Variants in CD58 observed in about 807,000 individuals in gnomAD.
The protein encoded by CD58 is lymphocyte function-associated antigen 3.
In CD58, 14 loss-of-function variants were observed where a neutral mutation model predicts 27.6. That is an observed-to-expected ratio of 0.51 (90% CI 0.34 to 0.79). The LOEUF (loss-of-function observed/expected upper bound fraction) is 0.79, where lower values mean the gene tolerates loss of function less well. CD58 is among the 30% of genes least tolerant of loss of function. CD58 has a pLI of 0.02. For synonymous variants in CD58, 117 were observed against 103.8 expected (o/e 1.13, Z -0.77); for missense variants, 268 against 301.7 (o/e 0.89, Z 0.83).
rs1338454226 is a variant in CD58, at chr1:116,552,625, G to C, written c.71-8021C>G. ...CTACATCCCGCCTTTCCATTAATAT[G>C]TCATAAAATCTCCTTGAAATCAACT... On this transcript the variant is annotated intron_variant, in intron 1 of 5. Coordinates refer to ENST00000369489, the MANE Select transcript of CD58 (RefSeq NM_001779.3). This position sits in a 1 kb window ranked among gnomAD's most constrained non-coding sequence, Gnocchi z 4.5. Among the ~76,000 whole-genome samples the C allele has an allele frequency of 6.6e-6, 1 of 152,128 alleles. No homozygotes were observed. Among genetic ancestry groups the C allele is most frequent in the Non-Finnish European group, 1.5e-5 (1 of 68,030 alleles).
rs79239899 is a variant in CD58 at position 116,517,120 on chromosome 1, T to G, written c.743+2111A>C. Among the ~76,000 whole-genome samples the G allele has an allele frequency of 3.9e-3, 587 of 150,522 alleles. 1 individual carries two copies. The highest frequency in any genetic ancestry group is 0.013 in the African/African-American group (546 of 40,806). On this transcript the variant is annotated intron_variant, in intron 5 of 5. Coordinates refer to ENST00000369489, the MANE Select transcript of CD58 (RefSeq NM_001779.3). This position sits in a 1 kb window ranked among gnomAD's most constrained non-coding sequence, Gnocchi z 6.5. ...TGATGGCTATGCCTCCCCCATCCAC[T>G]CAGAGTTCCCCTCCACTGTAACCAC...
In CD58 at chr1:116,532,677, T is replaced by G. The variant is rs556971927; in HGVS notation, c.628+3288A>C. On this transcript the variant is annotated intron_variant, in intron 3 of 5. Transcript: ENST00000369489. This position sits in a 1 kb window ranked among gnomAD's most constrained non-coding sequence, Gnocchi z 5.1. Reference sequence around the variant, plus strand: ...TCCCGCAGGGAAGGGTCCAGGCAAGTCCAGAGCTACAGGCACCAAGGCTGC... The same window carrying G: ...TCCCGCAGGGAAGGGTCCAGGCAAGGCCAGAGCTACAGGCACCAAGGCTGC... 6.6e-6 allele frequency among the ~76,000 whole-genome samples: 1 copy of G among 151,710 alleles called. No individual in the cohort carries two copies. The highest frequency in any genetic ancestry group is 2.0e-4 in the East Asian group (1 of 5,108).
chr1:116,537,406 G>A (rs564691603), intron 2 of CD58, among the ~76,000 whole-genome samples: 8 of 152,192 alleles, frequency 5.3e-5, no homozygotes, highest in South Asian at 4.1e-4. Flanking sequence ...TCCATAACAC[G>A]TCTGACTCAA....
At position 116,517,581 on chromosome 1, in the gene CD58, CCTT is replaced by C. The variant is rs1657120498; in HGVS notation, c.743+1647_743+1649del. On this transcript the variant is annotated intron_variant, in intron 5 of 5. Coordinates refer to ENST00000369489, the MANE Select transcript of CD58 (RefSeq NM_001779.3). The surrounding 1 kb of genome is among the most constrained non-coding windows in gnomAD (Gnocchi z 6.5). ...AAAGGTCTTAACCCCTCGCCTACCTCCTTGTCTCTGCAGCTTTAACATGTAGCC... is the reference window on the plus strand; with the variant it reads ...AAAGGTCTTAACCCCTCGCCTACCTCGTCTCTGCAGCTTTAACATGTAGCC... 6.6e-6 allele frequency among the ~76,000 whole-genome samples: 1 copy of C among 152,212 alleles called. No individual in the cohort carries two copies. The highest frequency in any genetic ancestry group is 6.5e-5 in the Admixed American group (1 of 15,280).
In CD58 at chr1:116,523,980, T is replaced by C. The variant is rs1657349685; in HGVS notation, c.629-1997A>G. Among the ~76,000 whole-genome samples, 1 of 152,258 alleles carries C rather than the reference T, an allele frequency of 6.6e-6. No individual in the cohort carries two copies. Among genetic ancestry groups the C allele is most frequent in the Non-Finnish European group, 1.5e-5 (1 of 68,044 alleles). On this transcript the variant is annotated intron_variant, in intron 3 of 5. Transcript: ENST00000369489. The surrounding 1 kb of genome is among the most constrained non-coding windows in gnomAD (Gnocchi z 4.4). ...TGAGCACAACTGATGTGTTTCAATC[T>C]ACTGAAGTTGTTATTCTTATTGATG...
rs889909248 is a variant in CD58 at position 116,534,656 on chromosome 1, G to A, written c.628+1309C>T. The stretch of plus-strand genomic sequence containing the variant: ...CAAGCCCCAGGCCCGCCGCGGCGGC[G>A]CTGCCCACCCTGACGAGGACGTCTA... On this transcript the variant is annotated intron_variant, in intron 3 of 5. Coordinates refer to ENST00000369489, the MANE Select transcript of CD58 (RefSeq NM_001779.3). The surrounding 1 kb of genome is among the most constrained non-coding windows in gnomAD (Gnocchi z 5.3). 6.6e-6 allele frequency among the ~76,000 whole-genome samples: 1 copy of A among 152,190 alleles called. No homozygotes were observed. The highest frequency in any genetic ancestry group is 2.4e-5 in the African/African-American group (1 of 41,456).
rs1412487528 is a variant in CD58, at chr1:116,557,522, T to C, written c.71-12918A>G. 1.3e-5 allele frequency among the ~76,000 whole-genome samples: 2 copies of C among 152,214 alleles called. No homozygotes were observed. The highest frequency in any genetic ancestry group is 2.9e-5 in the Non-Finnish European group (2 of 68,040). ...ATGCAGGGCACCACACCAGATAAAC[T>C]TGTACCCACTCATGGATGTCAGCCC... On this transcript the variant is annotated intron_variant, in intron 1 of 5. Coordinates refer to ENST00000369489, the MANE Select transcript of CD58 (RefSeq NM_001779.3). The surrounding 1 kb of genome is among the most constrained non-coding windows in gnomAD (Gnocchi z 5.2).
chr1:116,518,944 G>A lies in CD58; in HGVS notation c.743+287C>T. The stretch of plus-strand genomic sequence containing the variant: ...GCAACGTGACTTTGATATCTCACTT[G>A]ACTTCTATGAATCTCATATGCGCTG... On this transcript the variant is annotated intron_variant, in intron 5 of 5. Coordinates refer to ENST00000369489, the MANE Select transcript of CD58 (RefSeq NM_001779.3). The A allele has an allele frequency of 5.2e-6, 5 of 970,268 alleles. No homozygotes were observed. The South Asian group carries it at 9.5e-5, about 19-fold the overall frequency. The allele number at this position is 970,268 out of a possible 1,614,324, so 60.1% of individuals were successfully genotyped here.
At chr1:116,543,759 C>T (rs1658067336) in intron 2 of CD58, among the ~76,000 whole-genome samples, 1 of 151,962 alleles carries the variant, frequency 6.6e-6, no homozygotes, top group African/African-American at 2.4e-5. Flanking sequence ...ACCATCTCTA[C>T]TAAAATACAA....
At chr1:116,529,394 T>C (rs1164356177) in intron 3 of CD58, among the ~76,000 whole-genome samples, 1 of 152,250 alleles carries the variant, frequency 6.6e-6, no homozygotes, top group Admixed American at 6.5e-5. Flanking sequence ...ACTAGCTTTC[T>C]TTCCATCTCC....
intron 1 of CD58, among the ~76,000 whole-genome samples, chr1:116,551,634 T>C (rs749083521): frequency 3.3e-5 from 5 of 152,248 alleles, no homozygotes; most frequent in Non-Finnish European, 7.3e-5. Context: ...GTAGCACTTT[T>C]AATTTCCTTC....
At chr1:116,566,561 G>A (rs917341479) in intron 1 of CD58, among the ~76,000 whole-genome samples, 1 of 152,090 alleles carries the variant, frequency 6.6e-6, no homozygotes, top group South Asian at 2.1e-4. Context: ...GCTGAGGCAG[G>A]AACACTACAA....
Position 116,530,291 on chromosome 1 carries a change from C to G in CD58, c.628+5674G>C, listed in dbSNP as rs529711462. 1.8e-3 allele frequency among the ~76,000 whole-genome samples: 277 copies of G among 151,902 alleles called. 2 individuals are homozygous for G. Among genetic ancestry groups the G allele is most frequent in the African/African-American group, 6.4e-3 (266 of 41,432 alleles). ...TGTGGTCTCAGCTCACTGCCAGCTC[C>G]GCCTCCCGGGTTCATGCCATTCTCC... is the stretch of plus-strand genomic sequence containing the variant. On this transcript the variant is annotated intron_variant, in intron 3 of 5. Coordinates refer to ENST00000369489, the MANE Select transcript of CD58 (RefSeq NM_001779.3).
At position 116,544,624 on chromosome 1, in the gene CD58, T is replaced by C; in HGVS notation, c.71-20A>G. On this transcript the variant is annotated intron_variant, in intron 1 of 5. Coordinates refer to ENST00000369489, the MANE Select transcript of CD58 (RefSeq NM_001779.3). ...TGAAACCTAGGAGAGAAAAAAAAAT[T>C]GGTTAGAAAAAACAACATGACTTTG... is the stretch of plus-strand genomic sequence containing the variant. 2 of 1,537,408 alleles carry C rather than the reference T, an allele frequency of 1.3e-6. No homozygotes were observed. Among genetic ancestry groups the C allele is most frequent in the Non-Finnish European group, 1.7e-6 (2 of 1,142,856 alleles).
At chr1:116,542,456 CA>C (rs1267460532) in intron 2 of CD58, among the ~76,000 whole-genome samples, 1 of 152,148 alleles carries the variant, frequency 6.6e-6, no homozygotes, top group Non-Finnish European at 1.5e-5. Flanking sequence ...TTTGGCATAG[CA>C]GTGCAGATGA....
Position 116,528,182 on chromosome 1 carries a change from T to A in CD58, c.629-6199A>T, listed in dbSNP as rs1467763360. Among the ~76,000 whole-genome samples, 3 of 152,260 alleles carry A rather than the reference T, an allele frequency of 2.0e-5. No individual in the cohort carries two copies. Among genetic ancestry groups the A allele is most frequent in the Non-Finnish European group, 4.4e-5 (3 of 68,044 alleles). Reference sequence around the variant, plus strand: ...GTCCAAAAATCCTCCTACTTCTGTTTCTGCCTGTTACATTTCATCTGGTTC... The same window carrying A: ...GTCCAAAAATCCTCCTACTTCTGTTACTGCCTGTTACATTTCATCTGGTTC... On this transcript the variant is annotated intron_variant, in intron 3 of 5. Coordinates refer to ENST00000369489, the MANE Select transcript of CD58 (RefSeq NM_001779.3). The surrounding 1 kb of genome is among the most constrained non-coding windows in gnomAD (Gnocchi z 4.4).
chr1:116,526,869 T>A (rs1286874223), intron 3 of CD58, among the ~76,000 whole-genome samples: 1 of 152,246 alleles, frequency 6.6e-6, no homozygotes, highest in Non-Finnish European at 1.5e-5. Flanking sequence ...TTCATCAGTT[T>A]TGTTGATTTT....
At chr1:116,562,410 C>T (rs1365239282) in intron 1 of CD58, among the ~76,000 whole-genome samples, 1 of 152,060 alleles carries the variant, frequency 6.6e-6, no homozygotes, top group African/African-American at 2.4e-5. Flanking sequence ...CCTCAAATTC[C>T]CAGACTCAAG....
Position 116,563,701 on chromosome 1 carries a change from C to G in CD58, c.70+7202G>C, listed in dbSNP as rs2101228416. ...TGGCCCCTTTTAGCCATGGCTGGAG[C>G]TAAAACAGCTGGCATGCAGGGCTCC... is the stretch of plus-strand genomic sequence containing the variant. On this transcript the variant is annotated intron_variant, in intron 1 of 5. Coordinates refer to ENST00000369489, the MANE Select transcript of CD58 (RefSeq NM_001779.3). The surrounding 1 kb of genome is among the most constrained non-coding windows in gnomAD (Gnocchi z 4.1). 6.6e-6 allele frequency among the ~76,000 whole-genome samples: 1 copy of G among 152,328 alleles called. No homozygotes were observed. The highest frequency in any genetic ancestry group is 1.5e-5 in the Non-Finnish European group (1 of 68,040).
Sources: gnomAD v4.1 joint callset for allele counts (sites outside exome capture counted in the v4.1 genomes callset) on GRCh38, gnomAD v4.1.1 for gene constraint, Gnocchi (gnomAD v3.1) non-coding constraint, MANE v1.5 for transcripts, NCBI Gene and HGNC (gene_info 2026-07-23, HGNC 2026-07-21) for gene names.